PLD1: variants seen among roughly 807,000 people sequenced by gnomAD.
PLD1 encodes the protein choline phosphatase 1.
PLD1 carries 112 observed loss-of-function variants against 137.1 expected under a neutral mutation model. The ratio of observed to expected loss-of-function variants is 0.82; its 90% CI spans 0.70 to 0.96. The LOEUF (loss-of-function observed/expected upper bound fraction) is 0.96. Among genes scored for constraint, PLD1 ranks in the 40% least tolerant of loss-of-function variants. The pLI, the probability that PLD1 is intolerant of heterozygous loss-of-function variation, is 0.00. For missense variants in PLD1, 1,321 were observed against 1,342.0 expected (o/e 0.98, Z 0.24); for synonymous variants, 431 against 454.7 (o/e 0.95, Z 0.66).
chr3:171,724,420 G>A lies in PLD1; in HGVS notation c.758+276C>T, dbSNP rs185310797. 2.6e-3 allele frequency among the ~76,000 whole-genome samples: 393 copies of A among 152,162 alleles called. 1 individual carries two copies. Among genetic ancestry groups the A allele is most frequent in the Admixed American group, 3.9e-3 (60 of 15,268 alleles). On this transcript the variant is annotated intron_variant, in intron 8 of 26. Transcript: ENST00000351298. ...GACTAATAACGTTGAGCATCTTTTC[G>A]TATACTTATTGGCCATTTGTACGTC...
At chr3:171,764,491 G>A (rs920978836) in intron 1 of PLD1, among the ~76,000 whole-genome samples, 2 of 152,118 alleles carry the variant, frequency 1.3e-5, no homozygotes, top group Non-Finnish European at 2.9e-5. Flanking sequence ...AATAAGCAAT[G>A]ATCTAACCCA....
At chr3:171,792,330 C>T (rs1173816861) in intron 1 of PLD1, 2 of 326,492 alleles carry the variant, frequency 6.1e-6, no homozygotes, top group Admixed American at 8.4e-5. Context: ...ATCATGCACC[C>T]AGGGGCCAGT....
chr3:171,691,310 A>G (rs913072355), intron 13 of PLD1, among the ~76,000 whole-genome samples: 1 of 152,142 alleles, frequency 6.6e-6, no homozygotes, highest in Admixed American at 6.5e-5. Flanking sequence ...TTTACATTTA[A>G]AGTAATTATT....
chr3:171,643,500 G>T (rs1735947590), intron 22 of PLD1, among the ~76,000 whole-genome samples: 1 of 149,634 alleles, frequency 6.7e-6, no homozygotes, highest in African/African-American at 2.6e-5. Context: ...GTATACTTAT[G>T]CCTGAGAAAT....
chr3:171,657,078 G>C (rs1162828269), intron 21 of PLD1, among the ~76,000 whole-genome samples: 1 of 152,164 alleles, frequency 6.6e-6, no homozygotes. Context: ...GCTCAAAGCT[G>C]TTTTTTGCCT....
chr3:171,662,286 G>C, intron 19 of PLD1, 116 bp from the exon 20 acceptor site: 1 of 645,014 alleles, frequency 1.6e-6, no homozygotes, highest in Non-Finnish European at 2.8e-6. Flanking sequence ...ACAGTGGCTT[G>C]AGTGTCATGT....
At chr3:171,741,652 T>A (rs1719778493) in intron 1 of PLD1, among the ~76,000 whole-genome samples, 1 of 152,254 alleles carries the variant, frequency 6.6e-6, no homozygotes, top group South Asian at 2.1e-4. Context: ...GTGTTTTATT[T>A]CTGTTTGCAT....
In PLD1 at chr3:171,603,568, AT is replaced by A. The variant is rs1001068808; in HGVS notation, c.3001-267del. 1.7e-4 allele frequency among the ~76,000 whole-genome samples: 26 copies of A among 152,088 alleles called. 1 individual carries two copies. The highest frequency in any genetic ancestry group is 1.2e-3 in the South Asian group (6 of 4,810). ...CTAATGTTACCCCACATTAAGGTTAATTTTTTTTGGATAATAATCATCCCTG... is the reference window on the plus strand; with the variant it reads ...CTAATGTTACCCCACATTAAGGTTAATTTTTTTGGATAATAATCATCCCTG... On this transcript the variant is annotated intron_variant, in intron 26 of 26. Transcript: ENST00000351298.
chr3:171,737,807 T>C (rs1578386303), intron 2 of PLD1, 85 bp downstream of exon 2: 2 of 1,456,454 alleles, frequency 1.4e-6, no homozygotes, highest in Admixed American at 2.1e-5. Context: ...GGAAAATCAA[T>C]CATTTGCTGG....
intron 1 of PLD1, among the ~76,000 whole-genome samples, chr3:171,774,586 T>C (rs989846847): frequency 1.3e-5 from 2 of 152,144 alleles, no homozygotes; most frequent in Non-Finnish European, 2.9e-5. Flanking sequence ...TGAGGCCTTT[T>C]TGGGTGAGTA....
intron 12 of PLD1, among the ~76,000 whole-genome samples, chr3:171,694,634 T>C (rs1715517286): frequency 6.6e-6 from 1 of 151,942 alleles, no homozygotes; most frequent in Admixed American, 6.6e-5. Context: ...TAGTAGAACA[T>C]TACACCTGAC....
intron 17 of PLD1, 69 bp from the exon 18 acceptor site, chr3:171,676,902 A>G (rs1422638905): frequency 1.9e-6 from 2 of 1,026,288 alleles, no homozygotes; most frequent in African/African-American, 1.6e-5. Context: ...TCTGACTCCA[A>G]CTATGAAACT....
At chr3:171,704,756 A>C (rs1234174810) in intron 11 of PLD1, among the ~76,000 whole-genome samples, 2 of 152,202 alleles carry the variant, frequency 1.3e-5, no homozygotes, top group African/African-American at 4.8e-5. Flanking sequence ...TCAATACCAG[A>C]ATGGAGATCA....
At chr3:171,698,167 C>A (rs760175381) in intron 12 of PLD1, among the ~76,000 whole-genome samples, 1 of 152,184 alleles carries the variant, frequency 6.6e-6, no homozygotes, top group Non-Finnish European at 1.5e-5. Flanking sequence ...TAGGACTGAG[C>A]CCAAGACATG....
chr3:171,685,658 T>C (rs997848933), intron 16 of PLD1, among the ~76,000 whole-genome samples: 1 of 152,216 alleles, frequency 6.6e-6, no homozygotes, highest in African/African-American at 2.4e-5. Flanking sequence ...TGATTACTTA[T>C]CCCCATATCT....
At chr3:171,647,424 A>G (rs1225020181) in intron 21 of PLD1, among the ~76,000 whole-genome samples, 1 of 151,996 alleles carries the variant, frequency 6.6e-6, no homozygotes, top group Non-Finnish European at 1.5e-5. Context: ...GGTAAAATAC[A>G]TGTAATATAA....
intron 24 of PLD1, among the ~76,000 whole-genome samples, chr3:171,616,051 C>T (rs1733082334): frequency 6.6e-6 from 1 of 152,210 alleles, no homozygotes; most frequent in Non-Finnish European, 1.5e-5. Context: ...TTTAAAAACT[C>T]TTATTTGTCT....
intron 20 of PLD1, among the ~76,000 whole-genome samples, chr3:171,660,147 G>T (rs376255994): frequency 2.0e-5 from 3 of 152,236 alleles, no homozygotes; most frequent in South Asian, 4.1e-4. Context: ...TCATCTCAAG[G>T]TAAAGAGATA....
chr3:171,765,852 C>A lies in PLD1; in HGVS notation c.-31-27770G>T, dbSNP rs1194175291. ...CCAGACATCTGGACATATTGAAAAT[C>A]TCTCAAAGAATCTTTCCTGGACTGA... is the stretch of plus-strand genomic sequence containing the variant. On this transcript the variant is annotated intron_variant, in intron 1 of 26. Transcript: ENST00000351298. Among the ~76,000 whole-genome samples, 2 of 152,206 alleles carry A rather than the reference C, an allele frequency of 1.3e-5. 1 individual carries two copies. The highest frequency in any genetic ancestry group is 2.9e-5 in the Non-Finnish European group (2 of 68,032).
Sources: allele counts gnomAD v4.1 joint callset (sites outside exome capture counted in the v4.1 genomes callset), GRCh38; gene constraint gnomAD v4.1.1; transcripts MANE v1.5; gene names NCBI Gene and HGNC (gene_info 2026-07-23, HGNC 2026-07-21).